Variants in ATRN observed in about 807,000 individuals in gnomAD.
ATRN encodes attractin-2.
In ATRN, 54 loss-of-function variants were observed where a neutral mutation model predicts 178.7. The ratio of observed to expected loss-of-function variants is 0.30; its 90% CI spans 0.24 to 0.38. The LOEUF (loss-of-function observed/expected upper bound fraction) is 0.38, where lower values mean the gene tolerates loss of function less well. ATRN is among the 10% of genes least tolerant of loss of function. The pLI is 1.00. For missense variants in ATRN, 1,443 were observed against 1,815.1 expected (o/e 0.79, Z 3.73); for synonymous variants, 636 against 663.0 (o/e 0.96, Z 0.63).
rs2146324813 is a variant in ATRN, at chr20:3,638,187, A to ACATGTGCCG, written c.3943-640_3943-632dup. Among the ~76,000 whole-genome samples, 1 of 152,308 alleles carries ACATGTGCCG rather than the reference A, an allele frequency of 6.6e-6. No individual in the cohort carries two copies. The highest frequency in any genetic ancestry group is 1.5e-5 in the Non-Finnish European group (1 of 68,030). On this transcript the variant is annotated intron_variant, in intron 26 of 28. Coordinates refer to ENST00000262919, the MANE Select transcript of ATRN (RefSeq NM_139321.3). The surrounding 1 kb of genome is among the most constrained non-coding windows in gnomAD (Gnocchi z 4.5). ...ACATGTAGATTTGTTACATAGGTAT[A>ACATGTGCCG]CATGTGCCGTGGTGGTTTGCCGCAC...
intron 1 of ATRN, among the ~76,000 whole-genome samples, chr20:3,526,468 C>T (rs1297152283): frequency 3.3e-5 from 5 of 152,122 alleles, no homozygotes; most frequent in Non-Finnish European, 2.9e-5. Flanking sequence ...ATTCCATGCT[C>T]ATGGATAGGA....
At chr20:3,499,832 A>C (rs2084931446) in intron 1 of ATRN, among the ~76,000 whole-genome samples, 1 of 148,516 alleles carries the variant, frequency 6.7e-6, no homozygotes, top group African/African-American at 2.5e-5. Context: ...GAATTGACAA[A>C]TGGGATCTAA....
At chr20:3,578,881 A>G (rs2086245674) in intron 15 of ATRN, 109 bp downstream of exon 15, 3 of 1,048,494 alleles carry the variant, frequency 2.9e-6, no homozygotes, top group African/African-American at 3.2e-5. Flanking sequence ...GTGCTTGGCA[A>G]GAAGGGGAGT....
At chr20:3,598,154 G>A (rs1468469722) in intron 22 of ATRN, among the ~76,000 whole-genome samples, 154 bp downstream of exon 22, 2 of 152,178 alleles carry the variant, frequency 1.3e-5, no homozygotes, top group Admixed American at 1.3e-4. Context: ...TAGACTCTAC[G>A]TTATCTCCTT....
intron 25 of ATRN, among the ~76,000 whole-genome samples, chr20:3,630,593 G>A (rs1453816762): frequency 1.3e-5 from 2 of 152,190 alleles, no homozygotes; most frequent in African/African-American, 4.8e-5. Context: ...CTGCTGCCAA[G>A]TACGTACAGC....
chr20:3,631,303 G>C (rs2086988036), intron 25 of ATRN, among the ~76,000 whole-genome samples: 2 of 152,072 alleles, frequency 1.3e-5, no homozygotes, highest in Admixed American at 1.3e-4. Flanking sequence ...AAGGTATCCA[G>C]ATAATCCTAA....
chr20:3,636,185 G>A (rs1288502620), intron 26 of ATRN, among the ~76,000 whole-genome samples: 4 of 152,160 alleles, frequency 2.6e-5, no homozygotes. Flanking sequence ...GAAAGAGTCC[G>A]AATTGATTTT....
chr20:3,621,996 A>G (rs527316439), intron 24 of ATRN, among the ~76,000 whole-genome samples: 5 of 152,242 alleles, frequency 3.3e-5, no homozygotes, highest in Admixed American at 6.5e-5. Context: ...CTGGAGATAT[A>G]TGGTCAGTGG....
At chr20:3,516,794 T>A (rs1449000460) in intron 1 of ATRN, among the ~76,000 whole-genome samples, 3 of 152,090 alleles carry the variant, frequency 2.0e-5, no homozygotes, top group African/African-American at 7.2e-5. Flanking sequence ...GCTTCACCCA[T>A]GTCCCTGCAA....
chr20:3,568,045 C>G (rs1432110072), intron 11 of ATRN, among the ~76,000 whole-genome samples: 1 of 152,244 alleles, frequency 6.6e-6, no homozygotes, highest in East Asian at 1.9e-4. Flanking sequence ...AATCCCAGCA[C>G]TTTGGGAGGC....
At chr20:3,614,215 C>T (rs779424965) in intron 24 of ATRN, among the ~76,000 whole-genome samples, 1 of 152,142 alleles carries the variant, frequency 6.6e-6, no homozygotes, top group Admixed American at 6.5e-5. Flanking sequence ...TCCCTCTGCC[C>T]CTGCTTTCTG....
intron 25 of ATRN, among the ~76,000 whole-genome samples, chr20:3,630,236 TA>T: frequency 6.6e-6 from 1 of 152,348 alleles, no homozygotes; most frequent in African/African-American, 2.4e-5. Context: ...TGTAGAACTG[TA>T]TTATTTTTCA....
intron 1 of ATRN, among the ~76,000 whole-genome samples, chr20:3,512,082 C>CTT (rs1475152502): frequency 3.2e-5 from 3 of 92,950 alleles, no homozygotes; most frequent in Non-Finnish European, 4.5e-5. Flanking sequence ...GTTCTTTTTT[C>CTT]TTTTATATAT....
intron 24 of ATRN, among the ~76,000 whole-genome samples, chr20:3,623,053 A>G (rs369364644): frequency 2.0e-5 from 3 of 152,234 alleles, no homozygotes; most frequent in Non-Finnish European, 4.4e-5. Flanking sequence ...CCGAGGACAC[A>G]CTTAACGTTT....
chr20:3,471,294 C>G lies in ATRN; in HGVS notation c.187C>G (p.Leu63Val), dbSNP rs2084416439. Residue 63 changes from leucine (L) to valine (V), a missense_variant, in exon 1 of 29, where the codon CTG becomes GTG. Physicochemically the swap from Leu to Val is conservative, Grantham distance 32 (BLOSUM62 1). Around this residue, in one of 4 missense-constraint regions of ATRN, gnomAD observed 862 missense variants for 972.1 expected, o/e 0.89. Coordinates refer to ENST00000262919, the MANE Select transcript of ATRN (RefSeq NM_139321.3). Reference protein sequence around the residue: ...LSPPLRPRLLLLLLLLSPPLL... With the variant: ...LSPPLRPRLLVLLLLLSPPLL... ...TCCACCGCTGCGGCCACGGCTGCTG[C>G]TGCTGCTGTTGTTGCTCTCGCCGCC... 2 of 1,477,324 alleles carry G rather than the reference C, an allele frequency of 1.4e-6. No individual in the cohort carries two copies. The highest frequency in any genetic ancestry group is 8.9e-7 in the Non-Finnish European group (1 of 1,123,202). 91.5% of individuals were successfully genotyped at this position (1,477,324 alleles called of 1,614,324 possible).
chr20:3,546,396 T>G (rs564605872), intron 4 of ATRN, among the ~76,000 whole-genome samples: 11 of 148,696 alleles, frequency 7.4e-5, no homozygotes, highest in African/African-American at 2.7e-4. Flanking sequence ...ACTGTTTTTT[T>G]TTTTTTTTTT....
chr20:3,508,911 TC>T (rs2085083796), intron 1 of ATRN, among the ~76,000 whole-genome samples: 1 of 152,028 alleles, frequency 6.6e-6, no homozygotes, highest in South Asian at 2.1e-4. Context: ...CCTTGATAAA[TC>T]AGGGATGCAA....
intron 15 of ATRN, among the ~76,000 whole-genome samples, chr20:3,581,093 T>A (rs1194052802): frequency 1.3e-5 from 2 of 151,968 alleles, no homozygotes; most frequent in African/African-American, 2.4e-5. Context: ...GAAGTTTTTT[T>A]AAAGAATTAG....
chr20:3,554,910 C>T (rs1274164506), intron 6 of ATRN, among the ~76,000 whole-genome samples: 5 of 147,818 alleles, frequency 3.4e-5, no homozygotes, highest in African/African-American at 1.3e-4. Flanking sequence ...AGTCAGCAGT[C>T]AACCAAATAA....
Sources: gnomAD v4.1 joint callset for allele counts (sites outside exome capture counted in the v4.1 genomes callset) on GRCh38, gnomAD v4.1.1 for gene constraint, gnomAD v4.1.1 regional missense constraint, Gnocchi (gnomAD v3.1) non-coding constraint, MANE v1.5 for transcripts, NCBI Gene and HGNC (gene_info 2026-07-23, HGNC 2026-07-21) for gene names.